Variants in TRPM6 observed in about 807,000 individuals in gnomAD.
TRPM6 encodes transient receptor potential cation channel subfamily M member 6, also known as channel kinase 2.
TRPM6 carries 111 observed loss-of-function variants against 247.6 expected under a neutral mutation model. That is an observed-to-expected ratio of 0.45 (90% CI 0.38 to 0.52). TRPM6 has a LOEUF of 0.52. TRPM6 is among the 20% of genes least tolerant of loss of function. The probability of loss-of-function intolerance (pLI) is 0.00; values close to 1 mark genes in which losing one functional copy is unlikely to be tolerated. For missense variants in TRPM6, 2,126 were observed against 2,421.5 expected (o/e 0.88, Z 2.56); for synonymous variants, 892 against 853.8 (o/e 1.04, Z -0.78).
At chr9:74,853,874 T>A (rs531097071) in intron 3 of TRPM6, among the ~76,000 whole-genome samples, 1 of 151,486 alleles carries the variant, frequency 6.6e-6, no homozygotes, top group African/African-American at 2.4e-5. Flanking sequence ...AAAAATAAAA[T>A]AAAATAAAAT....
At chr9:74,837,461 T>C (rs1829763069) in intron 5 of TRPM6, among the ~76,000 whole-genome samples, 1 of 152,070 alleles carries the variant, frequency 6.6e-6, no homozygotes, top group South Asian at 2.1e-4. Flanking sequence ...TTCTTTTTTT[T>C]TTTTGAGACG....
rs763614981 is a variant in TRPM6 at position 74,762,467 on chromosome 9, C to T, written c.4204G>A (p.Glu1402Lys). Reference protein sequence around the residue: ...PVVSDWASVDEPKEKHEPIAH... With the variant: ...PVVSDWASVDKPKEKHEPIAH... Reference sequence around the variant, plus strand: ...ATAGGCTCGTGCTTTTCCTTGGGTTCATCCACTGATGCCCAGTCAGAGACA... The same window carrying T: ...ATAGGCTCGTGCTTTTCCTTGGGTTTATCCACTGATGCCCAGTCAGAGACA... The change falls in exon 26 of 39, where the codon GAA becomes AAA. Residue 1402 changes from glutamate (E) to lysine (K), a missense_variant. Physicochemically the swap from Glu to Lys is moderately conservative, Grantham distance 56. Around this residue, in one of 3 missense-constraint regions of TRPM6, gnomAD observed 717 missense variants for 715.9 expected, o/e 1.00. Transcript: ENST00000360774. 6.2e-7 allele frequency: 1 copy of T among 1,614,150 alleles called. No homozygotes were observed. Among genetic ancestry groups the T allele is most frequent in the Admixed American group, 1.7e-5 (1 of 60,006 alleles).
chr9:74,739,290 T>C, intron 35 of TRPM6, 77 bp downstream of exon 35: 1 of 1,314,812 alleles, frequency 7.6e-7, no homozygotes, highest in Non-Finnish European at 1.1e-6. Flanking sequence ...ATAAGATTTC[T>C]CATGAGTAAT....
At chr9:74,886,884 G>C in intron 1 of TRPM6, among the ~76,000 whole-genome samples, 1 of 152,178 alleles carries the variant, frequency 6.6e-6, no homozygotes, top group East Asian at 1.9e-4. Flanking sequence ...CCTGGCTCCA[G>C]AGCATATGTT....
intron 5 of TRPM6, among the ~76,000 whole-genome samples, chr9:74,836,392 A>T (rs2118150068): frequency 6.6e-6 from 1 of 152,208 alleles, no homozygotes; most frequent in African/African-American, 2.4e-5. Flanking sequence ...CAGCTAAATC[A>T]CTTCCTCATT....
rs569120242 is a variant in TRPM6 at position 74,778,403 on chromosome 9, T to C, written c.3210-2327A>G. Among the ~76,000 whole-genome samples the C allele has an allele frequency of 7.2e-5, 11 of 152,344 alleles. No homozygotes were observed. In the South Asian group the frequency reaches 2.1e-3, roughly 29 times the overall value. On this transcript the variant is annotated intron_variant, in intron 23 of 38. Transcript: ENST00000360774. ...TTAAAATCAGCTATTATGTTTGAGA[T>C]GTGACTGTCACCAACAGAGTTCTGT...
At chr9:74,880,876 AAAC>A (rs1831339139) in intron 1 of TRPM6, among the ~76,000 whole-genome samples, 1 of 152,250 alleles carries the variant, frequency 6.6e-6, no homozygotes, top group Admixed American at 6.5e-5. Flanking sequence ...AGGATATACA[AAAC>A]AACGAGACAT....
intron 1 of TRPM6, among the ~76,000 whole-genome samples, chr9:74,872,588 G>A (rs1229437581): frequency 3.0e-5 from 4 of 135,380 alleles, no homozygotes; most frequent in South Asian, 2.5e-4. Flanking sequence ...ACACCACCGC[G>A]CCCAGCAAAT....
At chr9:74,828,801 G>A (rs925538761) in intron 6 of TRPM6, among the ~76,000 whole-genome samples, 2 of 151,674 alleles carry the variant, frequency 1.3e-5, no homozygotes, top group Non-Finnish European at 2.9e-5. Flanking sequence ...GCTAATTTTT[G>A]TATTTTTAGG....
intron 36 of TRPM6, among the ~76,000 whole-genome samples, chr9:74,733,606 C>T (rs1476256911): frequency 6.6e-6 from 1 of 152,154 alleles, no homozygotes; most frequent in Non-Finnish European, 1.5e-5. Context: ...ATGTTCAAAC[C>T]AATTATGTCA....
At chr9:74,887,252 T>G (rs1564067821) in intron 1 of TRPM6, 1 of 1,302,720 alleles carries the variant, frequency 7.7e-7, no homozygotes, top group East Asian at 2.8e-5. Context: ...CTGTCATCGC[T>G]CCGGGACTCC....
chr9:74,725,313 T>C (rs1017793308), intron 38 of TRPM6, among the ~76,000 whole-genome samples: 13 of 152,230 alleles, frequency 8.5e-5, no homozygotes, highest in Admixed American at 3.3e-4. Flanking sequence ...TTAAAATGTT[T>C]GTGACCTTTT....
intron 27 of TRPM6, among the ~76,000 whole-genome samples, chr9:74,757,268 A>G (rs190659170): frequency 6.6e-6 from 1 of 151,780 alleles, no homozygotes; most frequent in East Asian, 2.0e-4. Flanking sequence ...AATAAAGATA[A>G]GAGCAAGCAT....
At position 74,738,437 on chromosome 9, in the gene TRPM6, G is replaced by A. The variant is rs146677759; in HGVS notation, c.5746C>T (p.Arg1916Trp). ...AFSHWTYEYTRGELLVLDLQG... is the reference protein window; with the variant it reads ...AFSHWTYEYTWGELLVLDLQG... ...AAATCTAAAACCAGCAGCTCTCCCC[G>A]AGTGTACTCATAGGTCCAGTGAGAG... is the stretch of plus-strand genomic sequence containing the variant. Residue 1916 changes from arginine to tryptophan, a missense_variant, in exon 36 of 39, where the codon CGG becomes TGG. By Grantham distance (101) the Arg-to-Trp change is moderately radical. Transcript: ENST00000360774. The A allele has an allele frequency of 8.7e-6, 14 of 1,614,020 alleles. No homozygotes were observed. Among genetic ancestry groups the A allele is most frequent in the East Asian group, 2.2e-5 (1 of 44,876 alleles).
intron 4 of TRPM6, among the ~76,000 whole-genome samples, chr9:74,840,842 A>G (rs546544792): frequency 7.3e-5 from 11 of 151,318 alleles, no homozygotes; most frequent in South Asian, 2.1e-4. Context: ...AAAAAAAAAA[A>G]AAAGAAAGAA....
chr9:74,804,805 G>GAAAT (rs1321247872), intron 14 of TRPM6: 7 of 604,612 alleles, frequency 1.2e-5, no homozygotes, highest in African/African-American at 3.7e-5. Flanking sequence ...AAGCAACATG[G>GAAAT]AAATAAGCTT....
rs1234614550 is a variant in TRPM6, at chr9:74,782,732, A to G, written c.3041T>C (p.Val1014Ala). ...PPSWSLARDI[V>A]FEPYWMIYGE... is the part of the protein sequence containing the mutation. ...GTATATCATCCAGTATGGCTCAAATACAATATCTCGAGCTAGACTCCAAGA... is the reference window on the plus strand; with the variant it reads ...GTATATCATCCAGTATGGCTCAAATGCAATATCTCGAGCTAGACTCCAAGA... The change falls in exon 22 of 39, where the codon GTA (valine) becomes GCA (alanine). Residue 1014 changes from valine (V) to alanine (A), a missense_variant. Physicochemically the swap from Val to Ala is moderately conservative, Grantham distance 64 (BLOSUM62 0). This residue lies in a region of TRPM6 where 1,082 missense variants were observed against 1,307.9 expected (regional missense o/e 0.83). Transcript: ENST00000360774. 10 of 1,614,210 alleles carry G rather than the reference A, an allele frequency of 6.2e-6. No homozygotes were observed. The East Asian group carries it at 2.2e-4, about 36-fold the overall frequency.
intron 21 of TRPM6, among the ~76,000 whole-genome samples, chr9:74,784,907 T>A (rs918586197): frequency 1.3e-5 from 2 of 151,730 alleles, no homozygotes; most frequent in Non-Finnish European, 2.9e-5. Flanking sequence ...AGCTCAGGAG[T>A]TTGAGACCAG....
chr9:74,759,525 C>A (rs747763004), intron 27 of TRPM6, among the ~76,000 whole-genome samples: 1 of 151,960 alleles, frequency 6.6e-6, no homozygotes, highest in South Asian at 2.1e-4. Context: ...AAAAAGATAT[C>A]TTTTTACCAA....
Sources: gnomAD v4.1 joint callset for allele counts (sites outside exome capture counted in the v4.1 genomes callset) on GRCh38, gnomAD v4.1.1 for gene constraint, gnomAD v4.1.1 regional missense constraint, MANE v1.5 for transcripts, NCBI Gene and HGNC (gene_info 2026-07-23, HGNC 2026-07-21) for gene names.